The following MAP3K19 variants were observed in gnomAD, a reference collection of about 807,000 sequenced individuals.
The protein encoded by MAP3K19 is SPS1/STE20-related protein kinase YSK4.
MAP3K19 carries 91 observed loss-of-function variants against 114.4 expected under a neutral mutation model. That is an observed-to-expected ratio of 0.80 (90% CI 0.67 to 0.95). The LOEUF is 0.95. MAP3K19 is among the 40% of genes least tolerant of loss of function. MAP3K19 has a pLI of 0.00. For synonymous variants in MAP3K19, 518 were observed against 530.5 expected (o/e 0.98, Z 0.32); for missense variants, 1,471 against 1,573.2 (o/e 0.94, Z 1.10).
chr2:134,994,845 C>A (rs902862745), intron 8 of MAP3K19, among the ~76,000 whole-genome samples: 1 of 152,092 alleles, frequency 6.6e-6, no homozygotes, highest in African/African-American at 2.4e-5. Context: ...ATATGTGATT[C>A]AACTGATATG....
At chr2:134,965,850 C>T (rs1239708090) in intron 12 of MAP3K19, among the ~76,000 whole-genome samples, 1 of 152,120 alleles carries the variant, frequency 6.6e-6, no homozygotes, top group Non-Finnish European at 1.5e-5. Flanking sequence ...ATTATGTACC[C>T]ATTAACCAAC....
At chr2:135,026,032 A>G (rs1340788865) in intron 3 of MAP3K19, among the ~76,000 whole-genome samples, 5 of 152,234 alleles carry the variant, frequency 3.3e-5, no homozygotes, top group African/African-American at 7.2e-5. Context: ...GTAATGTGTC[A>G]TGAGCCACAG....
intron 8 of MAP3K19, among the ~76,000 whole-genome samples, chr2:134,994,563 T>C (rs1033314480): frequency 6.6e-6 from 1 of 151,482 alleles, no homozygotes; most frequent in Non-Finnish European, 1.5e-5. Flanking sequence ...CAAAGAAGAG[T>C]CTACACACTG....
At chr2:134,977,360 T>TTTG (rs1277813719) in intron 12 of MAP3K19, among the ~76,000 whole-genome samples, 2 of 132,348 alleles carry the variant, frequency 1.5e-5, no homozygotes, top group African/African-American at 5.7e-5. Context: ...TTTTAAATTT[T>TTTG]TTTTTTTTTT....
chr2:135,040,910 C>T (rs1047648539), intron 1 of MAP3K19, among the ~76,000 whole-genome samples: 3 of 152,168 alleles, frequency 2.0e-5, no homozygotes, highest in East Asian at 3.9e-4. Context: ...TGTGTGACCA[C>T]GACCATATGG....
chr2:134,996,993 G>A (rs1320711214), intron 8 of MAP3K19, among the ~76,000 whole-genome samples: 1 of 152,036 alleles, frequency 6.6e-6, no homozygotes, highest in African/African-American at 2.4e-5. Flanking sequence ...AGGTTGCAGT[G>A]AGCCAAGATC....
Position 135,026,646 on chromosome 2 carries a change from A to T in MAP3K19, c.-94-1905T>A, listed in dbSNP as rs191632831. 8.9e-4 allele frequency among the ~76,000 whole-genome samples: 135 copies of T among 151,526 alleles called. 1 individual carries two copies. Among genetic ancestry groups the T allele is most frequent in the Middle Eastern group, 3.4e-3 (1 of 292 alleles). ...AGATTGCTTATTAACCCTCTTATTT[A>T]AAAAAAAAGTGCATTGTTTATCTCC... On this transcript the variant is annotated intron_variant, in intron 3 of 12. Transcript: ENST00000392915.
chr2:134,996,629 C>G (rs922733159), intron 8 of MAP3K19, among the ~76,000 whole-genome samples: 2 of 152,096 alleles, frequency 1.3e-5, no homozygotes, highest in Non-Finnish European at 2.9e-5. Flanking sequence ...AATGCTCCAG[C>G]AGAAAGAACA....
chr2:134,996,410 G>C (rs546645012), intron 8 of MAP3K19, among the ~76,000 whole-genome samples: 1 of 151,576 alleles, frequency 6.6e-6, no homozygotes, highest in African/African-American at 2.4e-5. Flanking sequence ...GATGCCAAAT[G>C]CTTGGAGGTT....
chr2:134,981,128 A>T lies in MAP3K19; in HGVS notation c.3613T>A (p.Phe1205Ile). Residue 1205 changes from phenylalanine (F) to isoleucine (I), a missense_variant, in exon 12 of 13, where the codon TTT becomes ATT. Physicochemically the swap from Phe to Ile is conservative, Grantham distance 21. Transcript: ENST00000392915. ...CAGGCCAAACGCCTGGCACAGCCAA[A>T]GTCAATCAGCTTTATTATTCCAGTT... is the stretch of plus-strand genomic sequence containing the variant. ...MPTGIIKLID[F>I]GCARRLAWAG... 1.2e-6 allele frequency: 2 copies of T among 1,614,202 alleles called. No homozygotes were observed. The highest frequency in any genetic ancestry group is 1.7e-6 in the Non-Finnish European group (2 of 1,180,018).
chr2:134,992,926 G>A (rs1452936819), intron 8 of MAP3K19, among the ~76,000 whole-genome samples: 1 of 152,108 alleles, frequency 6.6e-6, no homozygotes, highest in African/African-American at 2.4e-5. Flanking sequence ...TGATCCACCG[G>A]CCTCGGCCTC....
Position 134,981,155 on chromosome 2 carries a change from G to T in MAP3K19, c.3586C>A (p.Pro1196Thr). 6.2e-7 allele frequency: 1 copy of T among 1,614,106 alleles called. No individual in the cohort carries two copies. Among genetic ancestry groups the T allele is most frequent in the Non-Finnish European group, 8.5e-7 (1 of 1,180,046 alleles). ...DIKGNNVMLMPTGIIKLIDFG... is the reference protein window; with the variant it reads ...DIKGNNVMLMTTGIIKLIDFG... ...TCAATCAGCTTTATTATTCCAGTTG[G>T]CATGAGCATAACATTATTTCCTTTG... The change falls in exon 12 of 13, where the codon CCA becomes ACA. Residue 1196 changes from proline to threonine, a missense_variant. Transcript: ENST00000392915.
Position 134,983,768 on chromosome 2 carries a change from C to T in MAP3K19, c.3130G>A (p.Glu1044Lys), listed in dbSNP as rs1466408259. Residue 1044 changes from glutamate (E) to lysine (K), a missense_variant, in exon 11 of 13, where the codon GAA becomes AAA. By Grantham distance (56) the Glu-to-Lys change is moderately conservative. Coordinates refer to ENST00000392915, the MANE Select transcript of MAP3K19 (RefSeq NM_025052.5). The stretch of plus-strand genomic sequence containing the variant: ...CTATTTTCAGAAAATATCTTCTTTT[C>T]ATTTGAGATGAGAAATTTCTCCTCC... ...DREEKFLISN[E>K]KKIFSENSLK... 6.2e-7 allele frequency: 1 copy of T among 1,606,764 alleles called. No individual in the cohort carries two copies. The highest frequency in any genetic ancestry group is 1.7e-5 in the Admixed American group (1 of 58,496).
intron 9 of MAP3K19, among the ~76,000 whole-genome samples, chr2:134,989,860 T>A (rs928126404): frequency 6.6e-6 from 1 of 152,044 alleles, no homozygotes; most frequent in Non-Finnish European, 1.5e-5. Flanking sequence ...GGCAATCGGA[T>A]CACTCAAGGT....
At chr2:134,968,925 G>C (rs544127326) in intron 12 of MAP3K19, among the ~76,000 whole-genome samples, 1 of 151,976 alleles carries the variant, frequency 6.6e-6, no homozygotes, top group South Asian at 2.1e-4. Flanking sequence ...AGGCAGAGAC[G>C]CTCCTCACTT....
chr2:134,994,277 G>A (rs530548360), intron 8 of MAP3K19, among the ~76,000 whole-genome samples: 1 of 152,306 alleles, frequency 6.6e-6, no homozygotes, highest in South Asian at 2.1e-4. Flanking sequence ...TGCTTGCAAG[G>A]GGACAGCCCA....
At position 134,997,679 on chromosome 2, in the gene MAP3K19, C is replaced by T. The variant is rs148821322; in HGVS notation, c.574+1059G>A. On this transcript the variant is annotated intron_variant, in intron 8 of 12. Transcript: ENST00000392915. ...ACTAAAAATACAAAAATTAGCTGGG[C>T]GTGGTGGCATGCGCCTGTAGTCCCA... Among the ~76,000 whole-genome samples, 776 of 151,908 alleles carry T rather than the reference C, an allele frequency of 5.1e-3. 3 individuals are homozygous for T. The highest frequency in any genetic ancestry group is 0.021 in the East Asian group (107 of 5,156).
chr2:135,007,329 G>T, intron 5 of MAP3K19, among the ~76,000 whole-genome samples: 1 of 152,074 alleles, frequency 6.6e-6, no homozygotes, highest in East Asian at 1.9e-4. Flanking sequence ...ATATTTATGG[G>T]ATACAGGAGA....
In MAP3K19 at chr2:134,987,645, C is replaced by G; in HGVS notation, c.1227G>C (p.Glu409Asp). Residue 409 changes from glutamate (E) to aspartate (D), a missense_variant, in exon 10 of 13, where the codon GAG becomes GAC. By Grantham distance (45) the Glu-to-Asp change is conservative. Transcript: ENST00000392915. ...TTGAAGCAGCTTTATTATTTCTCAT[C>G]TCTTCATCCTGGCTTGGAGTTATTT... Reference protein sequence around the residue: ...HSEITPSQDEEMRNNKAASKR... With the variant: ...HSEITPSQDEDMRNNKAASKR... 6.2e-7 allele frequency: 1 copy of G among 1,614,066 alleles called. No homozygotes were observed. The highest frequency in any genetic ancestry group is 8.5e-7 in the Non-Finnish European group (1 of 1,180,018).
Sources: allele counts gnomAD v4.1 joint callset (sites outside exome capture counted in the v4.1 genomes callset), GRCh38; gene constraint gnomAD v4.1.1; transcripts MANE v1.5; gene names NCBI Gene and HGNC (gene_info 2026-07-23, HGNC 2026-07-21).